Variants in NDUFB4 observed in about 807,000 individuals in gnomAD.
NDUFB4 encodes the protein NADH:ubiquinone oxidoreductase subunit B4.
Under a neutral mutation model 14.5 loss-of-function variants are expected in NDUFB4, and 10 were observed. The ratio of observed to expected loss-of-function variants is 0.69; its 90% confidence interval spans 0.43 to 1.17. The LOEUF is 1.17. Ranked by LOEUF, NDUFB4 falls within the 50% of genes most tolerant of loss-of-function variation. The pLI is 0.00. For missense variants in NDUFB4, 165 were observed against 161.1 expected (o/e 1.02, Z -0.13); for synonymous variants, 65 against 63.4 (o/e 1.03, Z -0.12).
chr3:120,599,566 C>T (rs1220559522), intron 1 of NDUFB4, among the ~76,000 whole-genome samples: 3 of 152,168 alleles, frequency 2.0e-5, no homozygotes, highest in South Asian at 2.1e-4. Context: ...GGAGTTTTCA[C>T]CATGTCAGAT....
At chr3:120,602,011 T>G in intron 2 of NDUFB4, 197 bp from the exon 3 acceptor site, 6 of 1,327,462 alleles carry the variant, frequency 4.5e-6, no homozygotes, top group Non-Finnish European at 5.8e-6. Flanking sequence ...CTCGGATTAC[T>G]GTTTCTTCGC....
rs1939953902 is a variant in NDUFB4, at chr3:120,596,419, A to T, written c.60A>T (p.Pro20=). 6.2e-7 allele frequency: 1 copy of T among 1,614,142 alleles called. No individual in the cohort carries two copies. Among genetic ancestry groups the T allele is most frequent in the Non-Finnish European group, 8.5e-7 (1 of 1,179,996 alleles). The part of the protein sequence containing the change: ...SLRTLPETLD[P]AEYNISPETR... ...GCACTCTGCCTGAGACCCTCGACCC[A>T]GCCGAATACAACATATCTCCGGAAA... The change falls in exon 1 of 3, where the codon CCA becomes CCT. Residue 20 remains proline (P), a synonymous_variant. Coordinates refer to ENST00000184266, the MANE Select transcript of NDUFB4 (RefSeq NM_004547.6).
At chr3:120,596,872 A>G (rs2107470430) in intron 1 of NDUFB4, among the ~76,000 whole-genome samples, 1 of 151,520 alleles carries the variant, frequency 6.6e-6, no homozygotes, top group Non-Finnish European at 1.5e-5. Context: ...TTAGGATTAA[A>G]TGAGATAGAG....
At chr3:120,601,532 A>G in intron 2 of NDUFB4, 1 of 1,287,238 alleles carries the variant, frequency 7.8e-7, no homozygotes, top group Non-Finnish European at 9.8e-7. Context: ...TAAATCATTT[A>G]GTACGTTTCC....
chr3:120,599,135 T>C (rs2107471641), intron 1 of NDUFB4, among the ~76,000 whole-genome samples: 1 of 152,306 alleles, frequency 6.6e-6, no homozygotes, highest in Non-Finnish European at 1.5e-5. Flanking sequence ...CCAAGGTTTT[T>C]GACCTAAGTG....
intron 1 of NDUFB4, among the ~76,000 whole-genome samples, chr3:120,598,732 C>T (rs145801024): frequency 0.01 from 1,576 of 152,058 alleles, 25 homozygotes; most frequent in African/African-American, 0.036. Flanking sequence ...CATCAGAGAA[C>T]GGCAAGTGCA....
At chr3:120,600,453 T>A (rs1417171095) in intron 1 of NDUFB4, among the ~76,000 whole-genome samples, 1 of 152,160 alleles carries the variant, frequency 6.6e-6, no homozygotes, top group East Asian at 1.9e-4. Flanking sequence ...AATGGACAAT[T>A]ATTTTCTTAA....
intron 2 of NDUFB4, chr3:120,601,717 C>A: frequency 9.7e-7 from 1 of 1,027,526 alleles, no homozygotes; most frequent in Non-Finnish European, 1.2e-6. Flanking sequence ...AACCATTCCA[C>A]ATCTGGTACT....
chr3:120,598,726 A>G (rs1276943527), intron 1 of NDUFB4, among the ~76,000 whole-genome samples: 1 of 152,130 alleles, frequency 6.6e-6, no homozygotes, highest in East Asian at 1.9e-4. Flanking sequence ...CCTACTCATC[A>G]GAGAACGGCA....
chr3:120,600,751 A>G (rs891034392), intron 1 of NDUFB4, among the ~76,000 whole-genome samples: 9 of 152,230 alleles, frequency 5.9e-5, no homozygotes, highest in East Asian at 1.9e-4. Context: ...ACACTTGACA[A>G]TGAAGCTAAA....
Position 120,602,395 on chromosome 3 carries a change from CAG to C in NDUFB4, c.*127_*128del. 2 of 863,668 alleles carry C rather than the reference CAG, an allele frequency of 2.3e-6. No individual in the cohort carries two copies. Among genetic ancestry groups the C allele is most frequent in the Non-Finnish European group, 3.5e-6 (2 of 568,034 alleles). 53.5% of individuals were successfully genotyped at this position (863,668 alleles called of 1,614,324 possible). Reference sequence around the variant, plus strand: ...AAAAACTATTAACACCCTAACAACACAGAAGCAGACGCAGCCCGTGTTGGGAA... The same window carrying C: ...AAAAACTATTAACACCCTAACAACACAAGCAGACGCAGCCCGTGTTGGGAA... On this transcript the variant is annotated 3_prime_UTR_variant, in exon 3 of 3. Coordinates refer to ENST00000184266, the MANE Select transcript of NDUFB4 (RefSeq NM_004547.6).
At chr3:120,597,668 CAG>C (rs1310445187) in intron 1 of NDUFB4, among the ~76,000 whole-genome samples, 1 of 152,200 alleles carries the variant, frequency 6.6e-6, no homozygotes, top group Non-Finnish European at 1.5e-5. Flanking sequence ...GTAGGTCATA[CAG>C]AGATACCTCT....
At position 120,596,341 on chromosome 3, in the gene NDUFB4, T is replaced by G. The variant is rs752605917; in HGVS notation, c.-19T>G. ...GGCCTCAGAATCGCGCAGGCGCAAT[T>G]GTGCCCTGGTTCGCCAAGATGTCGT... On this transcript the variant is annotated 5_prime_UTR_variant, in exon 1 of 3. It adds an upstream start codon to the 5' untranslated region. Coordinates refer to ENST00000184266, the MANE Select transcript of NDUFB4 (RefSeq NM_004547.6). 12 of 1,613,518 alleles carry G rather than the reference T, an allele frequency of 7.4e-6. No homozygotes were observed. The highest frequency in any genetic ancestry group is 9.3e-6 in the Non-Finnish European group (11 of 1,179,758).
In NDUFB4 at chr3:120,601,099, C is replaced by G; in HGVS notation, c.181-12C>G. On this transcript the variant is annotated splice_polypyrimidine_tract_variant and intron_variant, in intron 1 of 2. Transcript: ENST00000184266. ...CTTAAGTTCTATAACTTTTTGTTTT[C>G]ATTAATTTTAGGAAAATCCTGCCTT... 1 of 1,595,842 alleles carries G rather than the reference C, an allele frequency of 6.3e-7. No homozygotes were observed.
In NDUFB4 at chr3:120,602,321, A is replaced by C; in HGVS notation, c.*51A>C. 1 of 1,472,112 alleles carries C rather than the reference A, an allele frequency of 6.8e-7. No homozygotes were observed. Among genetic ancestry groups the C allele is most frequent in the Non-Finnish European group, 9.4e-7 (1 of 1,067,862 alleles). The allele number at this position is 1,472,112 out of a possible 1,614,324, so 91.2% of individuals were successfully genotyped here. A position where few individuals can be genotyped will look rare whatever the true frequency, so the allele number is the denominator to read the frequency against. On this transcript the variant is annotated 3_prime_UTR_variant, in exon 3 of 3. Transcript: ENST00000184266. ...TCCTGCCTAAATAAATCATCTATTA[A>C]TCATTAAGTAGTAGTTTCTCTTTCT... is the stretch of plus-strand genomic sequence containing the variant.
At chr3:120,600,550 C>T (rs1273328220) in intron 1 of NDUFB4, among the ~76,000 whole-genome samples, 1 of 152,202 alleles carries the variant, frequency 6.6e-6, no homozygotes, top group African/African-American at 2.4e-5. Context: ...GCTTTTCACA[C>T]TAGGTCAGCT....
chr3:120,602,171 A>G, intron 2 of NDUFB4, 37 bp from the exon 3 acceptor site: 2 of 1,592,954 alleles, frequency 1.3e-6, no homozygotes, highest in Non-Finnish European at 1.7e-6. Flanking sequence ...CTGGCAGAAT[A>G]TATTGTCTTT....
intron 1 of NDUFB4, among the ~76,000 whole-genome samples, chr3:120,599,647 A>G (rs966434810): frequency 6.6e-6 from 1 of 152,092 alleles, no homozygotes; most frequent in African/African-American, 2.4e-5. Flanking sequence ...TGTCTTTTGG[A>G]ACCTCTCAAT....
At chr3:120,597,971 C>G (rs1219341809) in intron 1 of NDUFB4, among the ~76,000 whole-genome samples, 2 of 152,048 alleles carry the variant, frequency 1.3e-5, no homozygotes, top group Non-Finnish European at 2.9e-5. Context: ...GTAATACTAC[C>G]AGTCTCTTTG....
Sources: gnomAD v4.1 joint callset for allele counts (sites outside exome capture counted in the v4.1 genomes callset) on GRCh38, gnomAD v4.1.1 for gene constraint, MANE v1.5 for transcripts, NCBI Gene and HGNC (gene_info 2026-07-23, HGNC 2026-07-21) for gene names.